The following SCUBE3 variants were observed in gnomAD, a reference collection of about 807,000 sequenced individuals.
SCUBE3 encodes signal peptide, CUB domain and EGF like domain containing 3.
A neutral mutation model predicts 116.8 loss-of-function variants in SCUBE3; 33 were observed. The ratio of observed to expected loss-of-function variants is 0.28; its 90% CI spans 0.21 to 0.38. The LOEUF (loss-of-function observed/expected upper bound fraction) is 0.38, where lower values mean the gene tolerates loss of function less well. Ranked by LOEUF, SCUBE3 falls within the 10% of genes least tolerant of loss-of-function variation. The pLI is 1.00. For synonymous variants in SCUBE3, 418 were observed against 496.9 expected (o/e 0.84, Z 2.11); for missense variants, 1,007 against 1,324.8 (o/e 0.76, Z 3.72).
At chr6:35,246,391 ATAGCTC>A (rs1213629971) in intron 21 of SCUBE3, 106 bp downstream of exon 21, 5 of 822,876 alleles carry the variant, frequency 6.1e-6, no homozygotes, top group Admixed American at 2.1e-5. Context: ...GATAGACACA[ATAGCTC>A]TATGAGGTAG....
chr6:35,243,263 A>G lies in SCUBE3; in HGVS notation c.1909+27A>G. The stretch of plus-strand genomic sequence containing the variant: ...TAAGGGAGCTTACTGGGGAGCAGGG[A>G]TGTAGGAAAGACCCAGTTTGGGCCT... On this transcript the variant is annotated intron_variant, in intron 15 of 21. Coordinates refer to ENST00000274938, the MANE Select transcript of SCUBE3 (RefSeq NM_152753.4). This position sits in a 1 kb window ranked among gnomAD's most constrained non-coding sequence, Gnocchi z 6.6. 1 of 1,596,854 alleles carries G rather than the reference A, an allele frequency of 6.3e-7. No homozygotes were observed. Among genetic ancestry groups the G allele is most frequent in the Non-Finnish European group, 8.6e-7 (1 of 1,167,630 alleles).
At position 35,243,629 on chromosome 6, in the gene SCUBE3, A is replaced by G. The variant is rs202088684; in HGVS notation, c.1945A>G (p.Thr649Ala). 6.2e-7 allele frequency: 1 copy of G among 1,614,034 alleles called. No homozygotes were observed. Among genetic ancestry groups the G allele is most frequent in the South Asian group, 1.1e-5 (1 of 91,076 alleles). ...GCAGGGAACGTATTACCACGGCCAG[A>G]CGGAGCAGTGTGTGCCATGCCCAGC... ...CPQGTYYHGQTEQCVPCPAGT... is the reference protein window; with the variant it reads ...CPQGTYYHGQAEQCVPCPAGT... The change falls in exon 16 of 22, where the codon ACG becomes GCG. Residue 649 changes from threonine to alanine, a missense_variant. Physicochemically the swap from Thr to Ala is moderately conservative, Grantham distance 58. Around this residue, in one of 5 missense-constraint regions of SCUBE3, gnomAD observed 544 missense variants for 638.9 expected, o/e 0.85. Coordinates refer to ENST00000274938, the MANE Select transcript of SCUBE3 (RefSeq NM_152753.4). This position sits in a 1 kb window ranked among gnomAD's most constrained non-coding sequence, Gnocchi z 6.6.
chr6:35,231,612 G>A lies in SCUBE3; in HGVS notation c.335-113G>A, dbSNP rs1318704605. On this transcript the variant is annotated intron_variant, in intron 3 of 21. Transcript: ENST00000274938. This position sits in a 1 kb window ranked among gnomAD's most constrained non-coding sequence, Gnocchi z 4.2. ...AGGGTGTGAGGACTTCCTGGCTTAAGGCTGGGCTTAGGGGGTAGTAGTTCT... is the reference window on the plus strand; with the variant it reads ...AGGGTGTGAGGACTTCCTGGCTTAAAGCTGGGCTTAGGGGGTAGTAGTTCT... The A allele has an allele frequency of 1.6e-5, 14 of 889,928 alleles. No homozygotes were observed. Among genetic ancestry groups the A allele is most frequent in the Non-Finnish European group, 2.3e-5 (14 of 620,234 alleles). The allele number at this position is 889,928 out of a possible 1,614,324, so 55.1% of individuals were successfully genotyped here.
In SCUBE3 at chr6:35,235,068, G is replaced by A. The variant is rs994032919; in HGVS notation, c.712+1767G>A. Among the ~76,000 whole-genome samples the A allele has an allele frequency of 1.1e-4, 17 of 152,200 alleles. No homozygotes were observed. Among genetic ancestry groups the A allele is most frequent in the African/African-American group, 3.6e-4 (15 of 41,440 alleles). On this transcript the variant is annotated intron_variant, in intron 6 of 21. Transcript: ENST00000274938. The surrounding 1 kb of genome is among the most constrained non-coding windows in gnomAD (Gnocchi z 4.5). ...GGCCGTCAGGACATTCAGATTCGGT[G>A]GGAAGACTGAGAAGGCAGTATAGTT...
Position 35,214,637 on chromosome 6 carries a change from T to TC in SCUBE3, c.85+138dup. ...AGAACCCGGCTCTGTGCACCCGGAC[T>TC]CCCCGGCCAGGGGCCCGACCGCTGG... is the stretch of plus-strand genomic sequence containing the variant. On this transcript the variant is annotated intron_variant, in intron 1 of 21. Transcript: ENST00000274938. The surrounding 1 kb of genome is among the most constrained non-coding windows in gnomAD (Gnocchi z 6.3). 1 of 503,744 alleles carries TC rather than the reference T, an allele frequency of 2.0e-6. No individual in the cohort carries two copies. The highest frequency in any genetic ancestry group is 3.1e-6 in the Non-Finnish European group (1 of 319,982). 31.2% of individuals were successfully genotyped at this position (503,744 alleles called of 1,614,324 possible).
chr6:35,237,302 A>G (rs1180957225), intron 6 of SCUBE3, among the ~76,000 whole-genome samples: 3 of 152,100 alleles, frequency 2.0e-5, no homozygotes, highest in Non-Finnish European at 4.4e-5. Context: ...AGTATGTGCT[A>G]CCTCCTCTGA....
chr6:35,214,559 C>A lies in SCUBE3; in HGVS notation c.85+56C>A. 1 of 1,167,518 alleles carries A rather than the reference C, an allele frequency of 8.6e-7. No individual in the cohort carries two copies. The highest frequency in any genetic ancestry group is 1.1e-6 in the Non-Finnish European group (1 of 873,282). The allele number at this position is 1,167,518 out of a possible 1,614,324, so 72.3% of individuals were successfully genotyped here. On this transcript the variant is annotated intron_variant, in intron 1 of 21. Transcript: ENST00000274938. The surrounding 1 kb of genome is among the most constrained non-coding windows in gnomAD (Gnocchi z 6.3). ...CTGTCCTGGCTGCTGGGCCTCAGGGCCTAGGAGCGATTCCCGAGGGGCAGG... is the reference window on the plus strand; with the variant it reads ...CTGTCCTGGCTGCTGGGCCTCAGGGACTAGGAGCGATTCCCGAGGGGCAGG...
chr6:35,236,109 C>T (rs907389884), intron 6 of SCUBE3, among the ~76,000 whole-genome samples: 6 of 152,178 alleles, frequency 3.9e-5, no homozygotes, highest in Admixed American at 3.3e-4. Context: ...AAATAACAGT[C>T]CTTCCTTAGG....
chr6:35,228,558 G>A lies in SCUBE3; in HGVS notation c.209-56G>A, dbSNP rs192731989. ...ACACAACCATAAGGCTGAGTCTGGG[G>A]GTGGACAGTGGGTTCGCAGGTGGGT... On this transcript the variant is annotated intron_variant, in intron 2 of 21. Coordinates refer to ENST00000274938, the MANE Select transcript of SCUBE3 (RefSeq NM_152753.4). The surrounding 1 kb of genome is among the most constrained non-coding windows in gnomAD (Gnocchi z 4.9). The A allele has an allele frequency of 2.5e-6, 4 of 1,598,622 alleles. No homozygotes were observed. The highest frequency in any genetic ancestry group is 2.2e-5 in the South Asian group (2 of 89,766).
At chr6:35,242,468 G>C (rs1419930970) in intron 13 of SCUBE3, 148 bp downstream of exon 13, 2 of 897,530 alleles carry the variant, frequency 2.2e-6, no homozygotes, top group African/African-American at 3.3e-5. Context: ...ACCCAAGGAA[G>C]TCCCAGAATA....
At position 35,214,606 on chromosome 6, in the gene SCUBE3, G is replaced by C; in HGVS notation, c.85+103G>C. On this transcript the variant is annotated intron_variant, in intron 1 of 21. Transcript: ENST00000274938. The surrounding 1 kb of genome is among the most constrained non-coding windows in gnomAD (Gnocchi z 6.3). ...CAGGGCAGGTGCTGGGGAGCGTGCTGCTGTCAGAACCCGGCTCTGTGCACC... is the reference window on the plus strand; with the variant it reads ...CAGGGCAGGTGCTGGGGAGCGTGCTCCTGTCAGAACCCGGCTCTGTGCACC... 1 of 692,008 alleles carries C rather than the reference G, an allele frequency of 1.4e-6. No individual in the cohort carries two copies. Among genetic ancestry groups the C allele is most frequent in the Non-Finnish European group, 2.1e-6 (1 of 481,140 alleles). 42.9% of individuals were successfully genotyped at this position (692,008 alleles called of 1,614,324 possible).
chr6:35,248,832 A>G lies in SCUBE3; in HGVS notation c.*127A>G, dbSNP rs557666479. On this transcript the variant is annotated 3_prime_UTR_variant, in exon 22 of 22. Transcript: ENST00000274938. ...TTGGAGGGAAAAAAAAAATATCACT[A>G]CACAAACCAGGCACTCTCCCTTTCT... 50 of 726,650 alleles carry G rather than the reference A, an allele frequency of 6.9e-5. No individual in the cohort carries two copies. In the South Asian group the frequency reaches 8.3e-4, roughly 12 times the overall value. The allele number at this position is 726,650 out of a possible 1,614,324, so 45.0% of individuals were successfully genotyped here.
chr6:35,234,886 GCCAAATGAGGCAGAAAAGA>G (rs1417427338), intron 6 of SCUBE3, among the ~76,000 whole-genome samples: 1 of 152,162 alleles, frequency 6.6e-6, no homozygotes. Flanking sequence ...GGCAGAAAAG[GCCAAATGAGGCAGAAAAGA>G]CCAAATGAGG....
chr6:35,228,265 C>T lies in SCUBE3; in HGVS notation c.209-349C>T, dbSNP rs1241379923. Among the ~76,000 whole-genome samples the T allele has an allele frequency of 6.6e-6, 1 of 152,016 alleles. No individual in the cohort carries two copies. The highest frequency in any genetic ancestry group is 2.4e-5 in the African/African-American group (1 of 41,370). On this transcript the variant is annotated intron_variant, in intron 2 of 21. Coordinates refer to ENST00000274938, the MANE Select transcript of SCUBE3 (RefSeq NM_152753.4). The surrounding 1 kb of genome is among the most constrained non-coding windows in gnomAD (Gnocchi z 4.9). Reference sequence around the variant, plus strand: ...ATCTTAAAAGGTATTTCCTTTGATCCAGGAATTTTACTCTTGGGGACTTAT... The same window carrying T: ...ATCTTAAAAGGTATTTCCTTTGATCTAGGAATTTTACTCTTGGGGACTTAT...
chr6:35,240,414 A>G lies in SCUBE3; in HGVS notation c.993A>G (p.Ile331Met). 3 of 1,609,304 alleles carry G rather than the reference A, an allele frequency of 1.9e-6. No individual in the cohort carries two copies. Among genetic ancestry groups the G allele is most frequent in the Non-Finnish European group, 2.5e-6 (3 of 1,177,546 alleles). The change falls in exon 9 of 22, where the codon ATA (isoleucine) becomes ATG (methionine). Residue 331 changes from isoleucine to methionine, a missense_variant. Around this residue, in one of 5 missense-constraint regions of SCUBE3, gnomAD observed 214 missense variants for 316.7 expected, o/e 0.68. Coordinates refer to ENST00000274938, the MANE Select transcript of SCUBE3 (RefSeq NM_152753.4). This position sits in a 1 kb window ranked among gnomAD's most constrained non-coding sequence, Gnocchi z 4.6. ...ECSFDRTCDH[I>M]CVNTPGSFQC... ...CCTTTGATCGAACCTGTGACCACAT[A>G]TGTGTCAACACACCAGGAAGCTTCC... is the stretch of plus-strand genomic sequence containing the variant.
At chr6:35,226,413 T>C (rs1783323630) in intron 1 of SCUBE3, among the ~76,000 whole-genome samples, 3 of 151,916 alleles carry the variant, frequency 2.0e-5, no homozygotes, top group Admixed American at 1.3e-4. Context: ...ATAACATGTT[T>C]CTCTATTTCA....
intron 1 of SCUBE3, among the ~76,000 whole-genome samples, chr6:35,217,920 T>C (rs1782990334): frequency 1.3e-5 from 2 of 152,280 alleles, no homozygotes; most frequent in African/African-American, 4.8e-5. Context: ...TCTCATGACA[T>C]GTCTCAGAGG....
intron 1 of SCUBE3, chr6:35,221,435 G>A (rs1214646988): frequency 1.3e-5 from 2 of 152,234 alleles, no homozygotes; most frequent in Non-Finnish European, 2.9e-5. Context: ...GAGTAAAGAA[G>A]TGAGATTTTT....
intron 6 of SCUBE3, among the ~76,000 whole-genome samples, chr6:35,237,361 T>C (rs1040699336): frequency 6.6e-6 from 1 of 152,170 alleles, no homozygotes; most frequent in South Asian, 2.1e-4. Context: ...TTAAGACAGC[T>C]AGGCAGCGGG....
Sources: gnomAD v4.1 joint callset for allele counts (sites outside exome capture counted in the v4.1 genomes callset) on GRCh38, gnomAD v4.1.1 for gene constraint, gnomAD v4.1.1 regional missense constraint, Gnocchi (gnomAD v3.1) non-coding constraint, MANE v1.5 for transcripts, NCBI Gene and HGNC (gene_info 2026-07-23, HGNC 2026-07-21) for gene names.